Variants in GPHN observed in about 807,000 individuals in gnomAD.
GPHN encodes gephyrin.
GPHN carries 17 observed loss-of-function variants against 95.5 expected under a neutral mutation model. That is an observed-to-expected ratio of 0.18 (90% CI 0.12 to 0.27). GPHN has a LOEUF of 0.27. Ranked by LOEUF, GPHN falls within the 10% of genes least tolerant of loss-of-function variation. The pLI, the probability that GPHN is intolerant of heterozygous loss-of-function variation, is 1.00. For missense variants in GPHN, 660 were observed against 978.1 expected (o/e 0.67, Z 4.34); for synonymous variants, 320 against 322.5 (o/e 0.99, Z 0.08).
At chr14:66,889,251 C>T (rs74631176) in intron 5 of GPHN, among the ~76,000 whole-genome samples, 1 of 151,972 alleles carries the variant, frequency 6.6e-6, no homozygotes, top group Non-Finnish European at 1.5e-5. Flanking sequence ...CAACTAGATA[C>T]AACCCACATA....
chr14:67,733,902 G>C, the GPHN span: 646 of 1,373,824 alleles, frequency 4.7e-4, 8 homozygotes, highest in South Asian at 7.3e-3. Context: ...AATGAACAGG[G>C]ACCAAGGAGA....
the GPHN span, chr14:67,557,202 C>CG: frequency 2.9e-6 from 4 of 1,396,390 alleles, no homozygotes; most frequent in Non-Finnish European, 4.0e-6. Flanking sequence ...TCCCATCCCA[C>CG]GTTACTGGCC....
intron 11 of GPHN, among the ~76,000 whole-genome samples, chr14:67,078,946 C>T (rs193150384): frequency 1.3e-5 from 2 of 152,104 alleles, no homozygotes; most frequent in East Asian, 3.9e-4. Flanking sequence ...TCTTTGCTGA[C>T]AAGTTGACTT....
At chr14:67,313,376 C>T in the GPHN span, among the ~76,000 whole-genome samples, 1 of 152,108 alleles carries the variant, frequency 6.6e-6, no homozygotes, top group South Asian at 2.1e-4. Context: ...TTACACAAAC[C>T]TAGATGATAT....
chr14:66,840,422 C>T (rs574513773), intron 4 of GPHN, among the ~76,000 whole-genome samples: 1 of 152,166 alleles, frequency 6.6e-6, no homozygotes, highest in East Asian at 1.9e-4. Flanking sequence ...TTAGTTATTG[C>T]TCTTTGCCTT....
intron 1 of GPHN, among the ~76,000 whole-genome samples, chr14:66,537,877 G>GA (rs1361752892): frequency 2.0e-5 from 3 of 152,168 alleles, no homozygotes. Flanking sequence ...ACTGAGGCTG[G>GA]AGTGCAGTGG....
At chr14:67,258,988 G>A in the GPHN span, among the ~76,000 whole-genome samples, 18 of 151,790 alleles carry the variant, frequency 1.2e-4, no homozygotes, top group East Asian at 2.4e-3. Flanking sequence ...GACTACAGGC[G>A]CGTGCCACCA....
the GPHN span, among the ~76,000 whole-genome samples, chr14:67,607,746 C>T: frequency 6.6e-6 from 1 of 152,172 alleles, no homozygotes; most frequent in Admixed American, 6.5e-5. Flanking sequence ...GATATCTTTC[C>T]CTCTGCCATC....
intron 4 of GPHN, among the ~76,000 whole-genome samples, 189 bp from the exon 5 acceptor site, chr14:66,879,750 G>A (rs922513296): frequency 6.6e-6 from 1 of 151,950 alleles, no homozygotes; most frequent in African/African-American, 2.4e-5. Flanking sequence ...TATTTTCTTG[G>A]TCCTCAGCTT....
At chr14:67,527,371 G>A in the GPHN span, among the ~76,000 whole-genome samples, 1 of 152,170 alleles carries the variant, frequency 6.6e-6, no homozygotes, top group Admixed American at 6.5e-5. Context: ...TCGGGAGCCG[G>A]AGGTTGCAGT....
intron 2 of GPHN, among the ~76,000 whole-genome samples, chr14:66,763,693 A>G (rs532427623): frequency 6.6e-6 from 1 of 152,206 alleles, no homozygotes; most frequent in Admixed American, 6.5e-5. Flanking sequence ...TGAGTAATCT[A>G]GAGATGATTT....
chr14:67,512,201 C>T, the GPHN span, among the ~76,000 whole-genome samples: 1 of 152,222 alleles, frequency 6.6e-6, no homozygotes, highest in Non-Finnish European at 1.5e-5. Context: ...AGTGTGACAA[C>T]TCTCAGTGGG....
At chr14:67,503,824 C>T in the GPHN span, among the ~76,000 whole-genome samples, 1 of 151,352 alleles carries the variant, frequency 6.6e-6, no homozygotes, top group African/African-American at 2.4e-5. Flanking sequence ...CTGCCTCAGC[C>T]TCCCGAGTAG....
chr14:67,692,788 T>C, the GPHN span: 2 of 862,500 alleles, frequency 2.3e-6, no homozygotes, highest in Non-Finnish European at 3.7e-6. Flanking sequence ...ATGTAGAGCA[T>C]AGTACTAGTT....
At chr14:67,449,970 G>C in the GPHN span, 2 of 152,848 alleles carry the variant, frequency 1.3e-5, no homozygotes, top group Non-Finnish European at 2.9e-5. Flanking sequence ...GCTGAGGCAG[G>C]AGAATTGCTT....
chr14:66,673,684 C>G (rs56084351), intron 1 of GPHN, among the ~76,000 whole-genome samples: 11,240 of 152,234 alleles, frequency 0.074, 601 homozygotes, highest in Non-Finnish European at 0.12. Context: ...TATTTCTTCT[C>G]TAACGCACTT....
At chr14:67,400,948 C>G in the GPHN span, among the ~76,000 whole-genome samples, 3 of 151,194 alleles carry the variant, frequency 2.0e-5, no homozygotes, top group Non-Finnish European at 4.4e-5. Context: ...TATGATCACA[C>G]CACAGCACTC....
At chr14:67,520,035 T>C in the GPHN span, among the ~76,000 whole-genome samples, 1 of 152,194 alleles carries the variant, frequency 6.6e-6, no homozygotes, top group African/African-American at 2.4e-5. Flanking sequence ...GACTTTATTT[T>C]TTACAGTGGT....
intron 1 of GPHN, among the ~76,000 whole-genome samples, chr14:66,662,225 C>G (rs139564704): frequency 6.6e-6 from 1 of 152,230 alleles, no homozygotes; most frequent in Non-Finnish European, 1.5e-5. Context: ...GTGACACCTC[C>G]CAACCAGTGT....
Sources: allele counts gnomAD v4.1 joint callset (sites outside exome capture counted in the v4.1 genomes callset), GRCh38; gene constraint gnomAD v4.1.1; transcripts MANE v1.5; gene names NCBI Gene and HGNC (gene_info 2026-07-23, HGNC 2026-07-21).